The following GAS2L3 variants were observed in gnomAD, a reference collection of about 807,000 sequenced individuals.
GAS2L3 encodes GAS2-like protein 3.
In GAS2L3, 28 loss-of-function variants were observed where a neutral mutation model predicts 37.0. That is an observed-to-expected ratio of 0.76 (90% CI 0.56 to 1.04). The LOEUF (loss-of-function observed/expected upper bound fraction) is 1.04. Ranked by LOEUF, GAS2L3 falls within the 50% of genes least tolerant of loss-of-function variation. The pLI, the probability that GAS2L3 is intolerant of heterozygous loss-of-function variation, is 0.00. For missense variants in GAS2L3, 793 were observed against 817.6 expected, an observed-to-expected ratio of 0.97 and a Z score of 0.37; for synonymous variants, 290 against 296.6, an observed-to-expected ratio of 0.98 and a Z score of 0.23.
intron 8 of GAS2L3, among the ~76,000 whole-genome samples, chr12:100,621,402 T>C (rs1206902282): frequency 6.6e-6 from 1 of 152,058 alleles, no homozygotes; most frequent in African/African-American, 2.4e-5. Flanking sequence ...TAAATTTGTT[T>C]TTATATTTAC....
rs1208833535 is a variant in GAS2L3, at chr12:100,575,337, T to C, written c.-152+1552T>C. On this transcript the variant is annotated intron_variant, in intron 1 of 9. Coordinates refer to ENST00000547754, the MANE Select transcript of GAS2L3 (RefSeq NM_174942.3). ...TTGACTAAATTATACATGTAAAGCA[T>C]TTAAAACAGTATCTGACACATCATA... Among the ~76,000 whole-genome samples, 8 of 152,184 alleles carry C rather than the reference T, an allele frequency of 5.3e-5. No individual in the cohort carries two copies. In the East Asian group the frequency reaches 1.5e-3, roughly 29 times the overall value.
At chr12:100,580,070 A>T (rs886562027) in intron 1 of GAS2L3, 2 of 1,431,434 alleles carry the variant, frequency 1.4e-6, no homozygotes, top group Non-Finnish European at 2.0e-6. Context: ...TTTTCTTGAG[A>T]TGGATGACTC....
chr12:100,577,186 A>T (rs913556254), intron 1 of GAS2L3, among the ~76,000 whole-genome samples: 2 of 152,202 alleles, frequency 1.3e-5, no homozygotes, highest in African/African-American at 4.8e-5. Flanking sequence ...ATATCAGTGC[A>T]TATAGCTCTG....
At chr12:100,614,809 G>A (rs866122494) in intron 6 of GAS2L3, among the ~76,000 whole-genome samples, 3 of 152,150 alleles carry the variant, frequency 2.0e-5, no homozygotes, top group Non-Finnish European at 4.4e-5. Context: ...CTTTTAGTTA[G>A]CACAGTGGTT....
At chr12:100,579,814 G>A in intron 1 of GAS2L3, 2 of 725,402 alleles carry the variant, frequency 2.8e-6, no homozygotes, top group Non-Finnish European at 5.0e-6. Context: ...TTGTGTGAGG[G>A]ATTGGAAAAA....
chr12:100,621,720 G>C (rs1956253536), intron 8 of GAS2L3, among the ~76,000 whole-genome samples: 1 of 151,842 alleles, frequency 6.6e-6, no homozygotes, highest in Non-Finnish European at 1.5e-5. Flanking sequence ...TTTACTGACT[G>C]GCCTGTCTCT....
chr12:100,624,706 CT>C lies in GAS2L3; in HGVS notation c.1902del (p.Val635SerfsTer52). On this transcript the variant is annotated frameshift_variant, in exon 10 of 10. Transcript: ENST00000547754. LOFTEE classifies it low-confidence loss of function (END_TRUNC). Reference protein sequence around the residue: ...KTQTAPKSAQTVAKSQHSTKG... With the variant: ...KTQTAPKSAQXVAKSQHSTKG... Reference sequence around the variant, plus strand: ...CAAACTGCACCGAAGTCAGCACAGACTGTCGCTAAGAGCCAGCATTCAACTA... The same window carrying C: ...CAAACTGCACCGAAGTCAGCACAGACGTCGCTAAGAGCCAGCATTCAACTA... 6.2e-7 allele frequency: 1 copy of C among 1,614,074 alleles called. No homozygotes were observed. Among genetic ancestry groups the C allele is most frequent in the East Asian group, 2.2e-5 (1 of 44,874 alleles).
chr12:100,598,829 G>A (rs1173518378), intron 3 of GAS2L3, among the ~76,000 whole-genome samples: 1 of 152,106 alleles, frequency 6.6e-6, no homozygotes, highest in Non-Finnish European at 1.5e-5. Context: ...CAACACCAAA[G>A]GATTCATTCT....
chr12:100,574,782 A>T (rs557558277), intron 1 of GAS2L3, among the ~76,000 whole-genome samples: 179 of 152,376 alleles, frequency 1.2e-3, no homozygotes, highest in African/African-American at 4.2e-3. Context: ...TTAAATGATT[A>T]GAAATTGAAA....
Position 100,579,996 on chromosome 12 carries a change from C to T in GAS2L3, c.-152+6211C>T, listed in dbSNP as rs990362573. 3 of 1,076,574 alleles carry T rather than the reference C, an allele frequency of 2.8e-6. No homozygotes were observed. The African/African-American group carries it at 4.7e-5, about 17-fold the overall frequency. The allele number at this position is 1,076,574 out of a possible 1,614,324, so 66.7% of individuals were successfully genotyped here. A position where few individuals can be genotyped will look rare whatever the true frequency, so the allele number is the denominator to read the frequency against. ...CAAACAACTGGACAGACTTATTTCTCACAGTGGACCAGTAACAGGCTACAT... is the reference window on the plus strand; with the variant it reads ...CAAACAACTGGACAGACTTATTTCTTACAGTGGACCAGTAACAGGCTACAT... On this transcript the variant is annotated intron_variant, in intron 1 of 9. Coordinates refer to ENST00000547754, the MANE Select transcript of GAS2L3 (RefSeq NM_174942.3).
intron 8 of GAS2L3, among the ~76,000 whole-genome samples, chr12:100,621,053 C>T (rs1956246168): frequency 6.6e-6 from 1 of 152,050 alleles, no homozygotes; most frequent in Non-Finnish European, 1.5e-5. Context: ...CTGGACCTTT[C>T]CTTTCAGGCC....
At chr12:100,577,755 G>A (rs902190294) in intron 1 of GAS2L3, among the ~76,000 whole-genome samples, 1 of 152,182 alleles carries the variant, frequency 6.6e-6, no homozygotes, top group Non-Finnish European at 1.5e-5. Context: ...TCCCTAAATT[G>A]GGGAGATGAT....
intron 7 of GAS2L3, 73 bp from the exon 8 acceptor site, chr12:100,618,376 A>G: frequency 6.9e-7 from 1 of 1,457,598 alleles, no homozygotes; most frequent in South Asian, 1.4e-5. Context: ...TCAGAAAGAA[A>G]ATCTATCTTG....
intron 1 of GAS2L3, chr12:100,579,152 G>A: frequency 1.5e-6 from 1 of 681,606 alleles, no homozygotes; most frequent in Non-Finnish European, 2.7e-6. Context: ...CATGGCCCAT[G>A]ATGTTCTCTT....
intron 5 of GAS2L3, among the ~76,000 whole-genome samples, chr12:100,606,038 CTTT>C (rs779785046): frequency 2.6e-5 from 4 of 151,822 alleles, no homozygotes; most frequent in Non-Finnish European, 5.9e-5. Context: ...TCTGATGTGT[CTTT>C]TTTGATTTTC....
In GAS2L3 at chr12:100,610,284, G is replaced by A. The variant is rs532598734; in HGVS notation, c.304-1716G>A. On this transcript the variant is annotated intron_variant, in intron 5 of 9. Coordinates refer to ENST00000547754, the MANE Select transcript of GAS2L3 (RefSeq NM_174942.3). ...TTAATTATGGTAACCAGACACGTTG[G>A]AATATTATACATTCATTGGAAACAA... is the stretch of plus-strand genomic sequence containing the variant. Among the ~76,000 whole-genome samples the A allele has an allele frequency of 2.6e-5, 4 of 152,252 alleles. No individual in the cohort carries two copies. In the South Asian group the frequency reaches 6.2e-4, roughly 24 times the overall value.
chr12:100,601,675 T>A lies in GAS2L3; in HGVS notation c.225T>A (p.Leu75=). Residue 75 remains leucine (L), a synonymous_variant, in exon 5 of 10, where the codon CTT becomes CTA. Transcript: ENST00000547754. The part of the protein sequence containing the change: ...KVKAEKLLEE[L]DNGVLLCQLI... Reference sequence around the variant, plus strand: ...AGGCAGAAAAATTATTGGAAGAACTTGATAATGGAGTACTATTATGTCAAC... The same window carrying A: ...AGGCAGAAAAATTATTGGAAGAACTAGATAATGGAGTACTATTATGTCAAC... The A allele has an allele frequency of 6.3e-7, 1 of 1,597,914 alleles. No individual in the cohort carries two copies. The highest frequency in any genetic ancestry group is 1.1e-5 in the South Asian group (1 of 89,890).
chr12:100,587,434 C>T (rs147507392), intron 1 of GAS2L3, among the ~76,000 whole-genome samples: 20 of 152,216 alleles, frequency 1.3e-4, no homozygotes, highest in Non-Finnish European at 2.6e-4. Context: ...TTAACATATG[C>T]GAGTCAGTAA....
At chr12:100,621,027 T>C (rs1366409381) in intron 8 of GAS2L3, among the ~76,000 whole-genome samples, 1 of 152,160 alleles carries the variant, frequency 6.6e-6, no homozygotes, top group Non-Finnish European at 1.5e-5. Flanking sequence ...AAATAAATGA[T>C]ATAGGAAAAT....
Sources: gnomAD v4.1 joint callset for allele counts (sites outside exome capture counted in the v4.1 genomes callset) on GRCh38, gnomAD v4.1.1 for gene constraint, MANE v1.5 for transcripts, NCBI Gene and HGNC (gene_info 2026-07-23, HGNC 2026-07-21) for gene names.